Variants in IGF2R observed in about 807,000 individuals in gnomAD.
The protein encoded by IGF2R is insulin like growth factor 2 receptor.
A neutral mutation model predicts 270.6 loss-of-function variants in IGF2R; 91 were observed. The observed-to-expected ratio is 0.34, with a 90% confidence interval of 0.28 to 0.40. IGF2R has a LOEUF of 0.40. Among genes scored for constraint, IGF2R ranks in the 10% least tolerant of loss-of-function variants. The pLI is 1.00. For missense variants in IGF2R, 2,805 were observed against 3,188.3 expected, an observed-to-expected ratio of 0.88 and a Z score of 2.90; for synonymous variants, 1,316 against 1,258.9, an observed-to-expected ratio of 1.05 and a Z score of -0.96.
At chr6:159,986,683 A>G in intron 1 of IGF2R, among the ~76,000 whole-genome samples, 1 of 151,908 alleles carries the variant, frequency 6.6e-6, no homozygotes, top group Middle Eastern at 3.4e-3. Context: ...TTTGTTGCTA[A>G]CATTTAACAT....
chr6:160,096,705 A>G (rs1234638504), intron 45 of IGF2R, 80 bp downstream of exon 45: 61 of 1,193,726 alleles, frequency 5.1e-5, no homozygotes, highest in Non-Finnish European at 5.7e-5. Context: ...TTTTTCCCCA[A>G]TGTTTTCTTG....
chr6:160,011,610 A>G (rs1321766372), intron 4 of IGF2R, among the ~76,000 whole-genome samples: 1 of 150,882 alleles, frequency 6.6e-6, no homozygotes, highest in Non-Finnish European at 1.5e-5. Flanking sequence ...ATACGCAAGA[A>G]TAAATTACAT....
At chr6:159,970,242 G>A (rs1783590033) in intron 1 of IGF2R, among the ~76,000 whole-genome samples, 1 of 152,032 alleles carries the variant, frequency 6.6e-6, no homozygotes, top group South Asian at 2.1e-4. Flanking sequence ...ATCCTTTTCT[G>A]GACTGTTTAG....
rs1779581570 is a variant in IGF2R, at chr6:160,104,981, A to G, written c.7373A>G (p.Lys2458Arg). 6.2e-7 allele frequency: 1 copy of G among 1,613,892 alleles called. No individual in the cohort carries two copies. Among genetic ancestry groups the G allele is most frequent in the Non-Finnish European group, 8.5e-7 (1 of 1,180,018 alleles). The part of the protein sequence containing the change: ...DDRVGLVRGE[K>R]ARKGKSSSAQ... ...AGGGTGGGGCTGGTCAGGGGTGAGAAGGCGAGGAAAGGGAAGTCCAGCTCT... is the reference window on the plus strand; with the variant it reads ...AGGGTGGGGCTGGTCAGGGGTGAGAGGGCGAGGAAAGGGAAGTCCAGCTCT... The change falls in exon 48 of 48, where the codon AAG (lysine) becomes AGG (arginine). Residue 2458 changes from lysine to arginine, a missense_variant. Lys to Arg is a conservative substitution (Grantham distance 26). Coordinates refer to ENST00000356956, the MANE Select transcript of IGF2R (RefSeq NM_000876.4).
At chr6:160,068,064 GGGT>G (rs1403864240) in intron 29 of IGF2R, among the ~76,000 whole-genome samples, 182 bp from the exon 30 acceptor site, 158 of 64,402 alleles carry the variant, frequency 2.5e-3, no homozygotes, top group African/African-American at 7.9e-3. Context: ...TTCTGATGGG[GGGT>G]GTGTGTGTGT....
At chr6:160,005,545 C>G (rs893157867) in intron 2 of IGF2R, 9 of 152,276 alleles carry the variant, frequency 5.9e-5, no homozygotes, top group African/African-American at 1.9e-4. Flanking sequence ...GGGTCACTCC[C>G]TTCCCGCTTC....
intron 29 of IGF2R, among the ~76,000 whole-genome samples, chr6:160,067,306 G>T (rs1778606679): frequency 6.6e-6 from 1 of 151,730 alleles, no homozygotes; most frequent in Non-Finnish European, 1.5e-5. Context: ...CTATTCACAG[G>T]TCCCCTTCTC....
At chr6:160,099,783 C>T (rs1779443207) in intron 45 of IGF2R, among the ~76,000 whole-genome samples, 1 of 152,316 alleles carries the variant, frequency 6.6e-6, no homozygotes, top group Admixed American at 6.5e-5. Context: ...TATGAGGACA[C>T]ACTGTACTGG....
chr6:160,095,044 G>C (rs562367519), intron 44 of IGF2R: 22 of 152,296 alleles, frequency 1.4e-4, no homozygotes, highest in African/African-American at 5.1e-4. Context: ...CTTGAAAGGT[G>C]GCCTTGGTGA....
At chr6:160,058,448 A>G (rs1379229368) in intron 21 of IGF2R, among the ~76,000 whole-genome samples, 1 of 152,242 alleles carries the variant, frequency 6.6e-6, no homozygotes, top group Admixed American at 6.5e-5. Context: ...ACCAGAGAGC[A>G]TAATTGACTT....
At chr6:160,057,473 C>T (rs1408369810) in intron 20 of IGF2R, among the ~76,000 whole-genome samples, 2 of 152,340 alleles carry the variant, frequency 1.3e-5, no homozygotes, top group East Asian at 3.9e-4. Flanking sequence ...TTTGTAACTG[C>T]TCAGTGAGGG....
intron 47 of IGF2R, 109 bp downstream of exon 47, chr6:160,103,924 T>A: frequency 1.4e-6 from 1 of 701,992 alleles, no homozygotes; most frequent in Non-Finnish European, 2.5e-6. Flanking sequence ...ACAGGCTGAC[T>A]GGAATCCAGA....
chr6:160,021,296 A>G (rs1777427894), intron 4 of IGF2R, among the ~76,000 whole-genome samples: 1 of 151,964 alleles, frequency 6.6e-6, no homozygotes, highest in Admixed American at 6.5e-5. Flanking sequence ...CTTTGTAGGG[A>G]CATGAATGAA....
At chr6:160,080,565 C>T (rs186605278) in intron 39 of IGF2R, among the ~76,000 whole-genome samples, 136 of 152,292 alleles carry the variant, frequency 8.9e-4, no homozygotes, top group South Asian at 2.7e-3. Context: ...CAGGTTTTAG[C>T]CCTGGTGGTT....
At chr6:160,031,749 T>G (rs1777701990) in intron 7 of IGF2R, among the ~76,000 whole-genome samples, 1 of 152,210 alleles carries the variant, frequency 6.6e-6, no homozygotes. Flanking sequence ...ACCTGGCACC[T>G]AGTGCCTGGC....
chr6:159,995,965 CTCT>C lies in IGF2R; in HGVS notation c.289+4647_289+4649del, dbSNP rs572533739. On this transcript the variant is annotated intron_variant, in intron 2 of 47. Transcript: ENST00000356956. ...TTTCATTCTCATCTGGATAAACTAT[CTCT>C]TCTTTATTTTTGAATTTACTTTGGC... is the stretch of plus-strand genomic sequence containing the variant. Among the ~76,000 whole-genome samples the C allele has an allele frequency of 2.0e-3, 266 of 131,848 alleles. 3 individuals carry two copies. Among genetic ancestry groups the C allele is most frequent in the Admixed American group, 0.018 (230 of 12,876 alleles). The allele number at this position is 131,848 out of a possible 152,430, so 86.5% of individuals were successfully genotyped here.
chr6:160,032,734 T>C (rs1562350418), intron 8 of IGF2R, 21 bp downstream of exon 8: 1 of 1,611,204 alleles, frequency 6.2e-7, no homozygotes, highest in African/African-American at 1.3e-5. Flanking sequence ...GCTTTCTGCC[T>C]CCTGGCGCTG....
chr6:160,090,620 C>T (rs776766617), intron 44 of IGF2R, among the ~76,000 whole-genome samples: 4 of 152,330 alleles, frequency 2.6e-5, no homozygotes, highest in African/African-American at 9.6e-5. Context: ...GCCCTTTGTT[C>T]CCTCACATAA....
At chr6:160,091,834 A>T (rs959552540) in intron 44 of IGF2R, among the ~76,000 whole-genome samples, 8 of 152,214 alleles carry the variant, frequency 5.3e-5, no homozygotes, top group Non-Finnish European at 1.2e-4. Flanking sequence ...AGGAAAGTCT[A>T]GGCTCTCTCT....
Sources: allele counts gnomAD v4.1 joint callset (sites outside exome capture counted in the v4.1 genomes callset), GRCh38; gene constraint gnomAD v4.1.1; transcripts MANE v1.5; gene names NCBI Gene and HGNC (gene_info 2026-07-23, HGNC 2026-07-21).